Variants in SPEF2 observed in about 807,000 individuals in gnomAD.
SPEF2 encodes sperm flagella and cilia-associated protein 2.
SPEF2 carries 187 observed loss-of-function variants against 224.6 expected under a neutral mutation model. The ratio of observed to expected loss-of-function variants is 0.83; its 90% confidence interval spans 0.74 to 0.94. The LOEUF (loss-of-function observed/expected upper bound fraction) is 0.94. SPEF2 is among the 40% of genes least tolerant of loss of function. The probability of loss-of-function intolerance (pLI) is 0.00; values close to 1 mark genes in which losing one functional copy is unlikely to be tolerated. For synonymous variants in SPEF2, 715 were observed against 707.3 expected, an observed-to-expected ratio of 1.01 and a Z score of -0.17; for missense variants, 2,170 against 2,135.6, an observed-to-expected ratio of 1.02 and a Z score of -0.32.
At chr5:35,658,933 T>C in intron 7 of SPEF2, 86 bp from the exon 8 acceptor site, 1 of 1,027,616 alleles carries the variant, frequency 9.7e-7, no homozygotes, top group Non-Finnish European at 1.3e-6. Flanking sequence ...ACATTATGCC[T>C]TTTGTATATT....
chr5:35,665,884 A>T (rs1170696315), intron 8 of SPEF2, among the ~76,000 whole-genome samples: 1 of 152,202 alleles, frequency 6.6e-6, no homozygotes, highest in African/African-American at 2.4e-5. Flanking sequence ...CTTCCCAACA[A>T]AAATGAAATA....
intron 15 of SPEF2, 177 bp from the exon 16 acceptor site, chr5:35,700,315 ATTTT>A (rs1738350151): frequency 1.6e-6 from 1 of 630,516 alleles, no homozygotes; most frequent in African/African-American, 1.8e-5. Flanking sequence ...CCACAGAAGT[ATTTT>A]TAAGCAAGGG....
At chr5:35,810,004 T>A (rs1007746471) in intron 36 of SPEF2, among the ~76,000 whole-genome samples, 2 of 152,168 alleles carry the variant, frequency 1.3e-5, no homozygotes, top group Non-Finnish European at 2.9e-5. Context: ...TTTCCTCTCA[T>A]ACTGGAAAGA....
chr5:35,762,568 C>G (rs1046539788), intron 25 of SPEF2, among the ~76,000 whole-genome samples: 9 of 152,126 alleles, frequency 5.9e-5, no homozygotes, highest in Non-Finnish European at 1.2e-4. Context: ...GCTCTCTTCT[C>G]CAGCAACTTG....
chr5:35,722,998 A>G (rs547603638), intron 20 of SPEF2, among the ~76,000 whole-genome samples: 27 of 152,194 alleles, frequency 1.8e-4, no homozygotes, highest in African/African-American at 6.0e-4. Flanking sequence ...AAGGGTGAGT[A>G]AAGCAGGGTT....
At chr5:35,691,338 A>G (rs1345661707) in intron 11 of SPEF2, 82 bp downstream of exon 11, 1 of 1,103,354 alleles carries the variant, frequency 9.1e-7, no homozygotes, top group Non-Finnish European at 1.3e-6. Context: ...TGTATAAAAA[A>G]CATACAAGAA....
intron 36 of SPEF2, among the ~76,000 whole-genome samples, chr5:35,809,852 A>C (rs961534287): frequency 3.9e-5 from 6 of 152,152 alleles, no homozygotes; most frequent in African/African-American, 1.4e-4. Context: ...TTTAGCTTAC[A>C]TTCCCTGCTC....
chr5:35,646,578 A>T lies in SPEF2; in HGVS notation c.586-89A>T, dbSNP rs1747396918. On this transcript the variant is annotated intron_variant, in intron 4 of 36. Coordinates refer to ENST00000356031, the MANE Select transcript of SPEF2 (RefSeq NM_024867.4). ...TGCTGGGTTCTGAAATTTTCAATAG[A>T]TAAATTTTATATATTTGTACCTATG... 3.8e-6 allele frequency: 5 copies of T among 1,312,924 alleles called. No homozygotes were observed. In the Admixed American group the frequency reaches 1.2e-4, roughly 32 times the overall value. 81.3% of individuals were successfully genotyped at this position (1,312,924 alleles called of 1,614,324 possible).
chr5:35,753,274 C>T (rs774885928), intron 23 of SPEF2, among the ~76,000 whole-genome samples: 11 of 152,040 alleles, frequency 7.2e-5, no homozygotes, highest in Non-Finnish European at 1.2e-4. Context: ...CCACCAATTG[C>T]CATTTCCCCC....
At chr5:35,783,462 G>A (rs1037445135) in intron 30 of SPEF2, among the ~76,000 whole-genome samples, 9 of 152,096 alleles carry the variant, frequency 5.9e-5, no homozygotes, top group African/African-American at 2.2e-4. Context: ...AAAGAGTATA[G>A]CACATAGAAT....
rs898431166 is a variant in SPEF2, at chr5:35,740,028, C to T, written c.3173C>T (p.Ala1058Val). 1 of 1,614,104 alleles carries T rather than the reference C, an allele frequency of 6.2e-7. No individual in the cohort carries two copies. The highest frequency in any genetic ancestry group is 8.5e-7 in the Non-Finnish European group (1 of 1,179,992). The change falls in exon 22 of 37, where the codon GCT (alanine) becomes GTT (valine). Residue 1058 changes from alanine (A) to valine (V), a missense_variant. Physicochemically the swap from Ala to Val is moderately conservative, Grantham distance 64 (BLOSUM62 0). Coordinates refer to ENST00000356031, the MANE Select transcript of SPEF2 (RefSeq NM_024867.4). ...HLREDQHTVL[A>V]YLYEIRTSFQ... Reference sequence around the variant, plus strand: ...AGGGAAGACCAGCATACTGTGCTTGCTTACTTATATGAGATTAGGTAAGTA... The same window carrying T: ...AGGGAAGACCAGCATACTGTGCTTGTTTACTTATATGAGATTAGGTAAGTA...
chr5:35,688,095 C>T (rs976266074), intron 10 of SPEF2, among the ~76,000 whole-genome samples: 20 of 152,136 alleles, frequency 1.3e-4, no homozygotes, highest in Admixed American at 3.9e-4. Context: ...AGAAAATCAC[C>T]GGAACCATCA....
Position 35,641,621 on chromosome 5 carries a change from C to G in SPEF2, c.352C>G (p.Gln118Glu). The G allele has an allele frequency of 6.2e-7, 1 of 1,613,542 alleles. No homozygotes were observed. Among genetic ancestry groups the G allele is most frequent in the South Asian group, 1.1e-5 (1 of 91,052 alleles). The change falls in exon 3 of 37, where the codon CAA becomes GAA. Residue 118 changes from glutamine (Q) to glutamate (E), a missense_variant. Physicochemically the swap from Gln to Glu is conservative, Grantham distance 29 (BLOSUM62 2). Coordinates refer to ENST00000356031, the MANE Select transcript of SPEF2 (RefSeq NM_024867.4). ...KKSGLTGVEM[Q>E]TMQRLTNLRL... is the part of the protein sequence containing the mutation. ...AAGTGGACTGACTGGAGTGGAGATG[C>G]AAACCATGCAACGTCTGACAAATTT...
At chr5:35,757,960 C>CT (rs573062191) in intron 24 of SPEF2, among the ~76,000 whole-genome samples, 1 of 152,248 alleles carries the variant, frequency 6.6e-6, no homozygotes, top group African/African-American at 2.4e-5. Flanking sequence ...CAGAAAACAG[C>CT]TTTTTCCAGG....
chr5:35,732,702 C>A (rs1745836652), intron 21 of SPEF2, among the ~76,000 whole-genome samples: 1 of 152,114 alleles, frequency 6.6e-6, no homozygotes, highest in Non-Finnish European at 1.5e-5. Flanking sequence ...GTTCTGGGAA[C>A]ATGAAAGCAA....
At chr5:35,730,890 C>T (rs1251273193) in intron 21 of SPEF2, among the ~76,000 whole-genome samples, 5 of 151,974 alleles carry the variant, frequency 3.3e-5, no homozygotes, top group Non-Finnish European at 5.9e-5. Flanking sequence ...CTTAAAATCC[C>T]GATTATGTAC....
chr5:35,786,604 G>C (rs1452430196), intron 30 of SPEF2, among the ~76,000 whole-genome samples: 1 of 152,136 alleles, frequency 6.6e-6, no homozygotes, highest in Non-Finnish European at 1.5e-5. Flanking sequence ...AAGTTGTAGT[G>C]AGCCAAAATC....
intron 24 of SPEF2, among the ~76,000 whole-genome samples, chr5:35,758,912 A>T (rs912624826): frequency 1.3e-5 from 2 of 148,626 alleles, no homozygotes; most frequent in African/African-American, 4.9e-5. Flanking sequence ...AGGCTGAGGC[A>T]GGAAAATCGC....
intron 10 of SPEF2, chr5:35,670,832 A>G (rs762625907): frequency 2.1e-5 from 21 of 981,500 alleles, no homozygotes; most frequent in Non-Finnish European, 2.5e-5. Context: ...TTAAGGGCTA[A>G]TAGATTTCCA....
Sources: allele counts gnomAD v4.1 joint callset (sites outside exome capture counted in the v4.1 genomes callset), GRCh38; gene constraint gnomAD v4.1.1; transcripts MANE v1.5; gene names NCBI Gene and HGNC (gene_info 2026-07-23, HGNC 2026-07-21).